The following DEUP1 variants were observed in gnomAD, a reference collection of about 807,000 sequenced individuals.
DEUP1 encodes the protein coiled-coil domain containing 67.
Under a neutral mutation model 87.4 loss-of-function variants are expected in DEUP1, and 82 were observed. The ratio of observed to expected loss-of-function variants is 0.94; its 90% CI spans 0.78 to 1.13. The LOEUF is 1.13. DEUP1 is among the 50% of genes most tolerant of loss of function. DEUP1 has a pLI of 0.00. For synonymous variants in DEUP1, 214 were observed against 222.7 expected, an observed-to-expected ratio of 0.96 and a Z score of 0.35; for missense variants, 663 against 681.5, an observed-to-expected ratio of 0.97 and a Z score of 0.30.
intron 13 of DEUP1, among the ~76,000 whole-genome samples, chr11:93,435,144 T>C (rs1948205725): frequency 6.6e-6 from 1 of 152,142 alleles, no homozygotes; most frequent in Non-Finnish European, 1.5e-5. Context: ...ACACGCAGAA[T>C]TCATATCCAT....
In DEUP1 at chr11:93,355,516, A is replaced by G. The variant is rs1308859283; in HGVS notation, c.175A>G (p.Thr59Ala). 8 of 1,613,780 alleles carry G rather than the reference A, an allele frequency of 5.0e-6. No homozygotes were observed. The highest frequency in any genetic ancestry group is 6.8e-6 in the Non-Finnish European group (8 of 1,179,788). ...LRDQELANAQ[T>A]CLDQKGQEVG... is the part of the protein sequence containing the mutation. ...GGATCAAGAATTGGCAAATGCACAA[A>G]CTTGTTTGGATCAGAAAGGTCAAGA... is the stretch of plus-strand genomic sequence containing the variant. Residue 59 changes from threonine (T) to alanine (A), a missense_variant, in exon 3 of 14, where the codon ACT (threonine) becomes GCT (alanine). Transcript: ENST00000298050.
At chr11:93,370,237 G>A (rs1461850231) in intron 6 of DEUP1, 51 bp downstream of exon 6, 14 of 960,638 alleles carry the variant, frequency 1.5e-5, no homozygotes, top group Non-Finnish European at 2.1e-5. Context: ...TTAAATATTG[G>A]TATCTTTACC....
chr11:93,370,305 T>C (rs1415205897), intron 6 of DEUP1, 119 bp downstream of exon 6: 2 of 604,006 alleles, frequency 3.3e-6, no homozygotes, highest in East Asian at 5.8e-5. Context: ...CGAGAGTAGG[T>C]CCAAAGGTGG....
intron 7 of DEUP1, among the ~76,000 whole-genome samples, chr11:93,381,536 G>A (rs1483391796): frequency 6.6e-6 from 1 of 152,046 alleles, no homozygotes. Context: ...GTGTCAGTAT[G>A]CTTATTAATT....
intron 9 of DEUP1, among the ~76,000 whole-genome samples, chr11:93,391,017 G>A (rs1407412799): frequency 6.6e-6 from 1 of 151,600 alleles, no homozygotes; most frequent in Non-Finnish European, 1.5e-5. Context: ...GGGAGGCGGA[G>A]GTTGCAGTGA....
intron 5 of DEUP1, among the ~76,000 whole-genome samples, chr11:93,365,116 G>A (rs1344896119): frequency 6.6e-6 from 1 of 151,792 alleles, no homozygotes; most frequent in African/African-American, 2.4e-5. Context: ...TTTTTCTCAA[G>A]CCCTAAACCC....
chr11:93,364,809 A>G (rs182692780), intron 5 of DEUP1, among the ~76,000 whole-genome samples: 11 of 152,194 alleles, frequency 7.2e-5, no homozygotes, highest in Non-Finnish European at 1.3e-4. Context: ...CTATGTCCTC[A>G]TAACTATATA....
At chr11:93,399,201 T>A (rs1947038328) in intron 11 of DEUP1, among the ~76,000 whole-genome samples, 1 of 151,806 alleles carries the variant, frequency 6.6e-6, no homozygotes, top group Non-Finnish European at 1.5e-5. Flanking sequence ...TTCTTCTAAA[T>A]ATATATAGCT....
At chr11:93,414,879 A>C (rs940083257) in intron 12 of DEUP1, 121 bp from the exon 13 acceptor site, 13 of 468,200 alleles carry the variant, frequency 2.8e-5, no homozygotes, top group African/African-American at 2.4e-4. Flanking sequence ...CCCAGGTAAC[A>C]AGCCCAAACA....
intron 11 of DEUP1, among the ~76,000 whole-genome samples, chr11:93,400,971 A>G (rs1947099707): frequency 6.6e-6 from 1 of 152,090 alleles, no homozygotes; most frequent in Admixed American, 6.6e-5. Context: ...GAAAGACACA[A>G]AAGGGCATCC....
chr11:93,387,120 A>G (rs1233765999), intron 8 of DEUP1, among the ~76,000 whole-genome samples: 2 of 152,168 alleles, frequency 1.3e-5, no homozygotes, highest in African/African-American at 2.4e-5. Flanking sequence ...TTATCCTAGA[A>G]TTCAGTTCTA....
chr11:93,413,241 ATT>A (rs11331603), intron 12 of DEUP1, among the ~76,000 whole-genome samples: 1,326 of 117,958 alleles, frequency 0.011, 13 homozygotes, highest in African/African-American at 0.029. Flanking sequence ...GTCTTTGATG[ATT>A]TTTTTTTTTT....
intron 12 of DEUP1, among the ~76,000 whole-genome samples, chr11:93,408,910 G>A (rs1280968600): frequency 1.3e-5 from 2 of 152,030 alleles, no homozygotes; most frequent in African/African-American, 2.4e-5. Context: ...AGGCTGGAGT[G>A]CAGTGGTGTG....
intron 10 of DEUP1, among the ~76,000 whole-genome samples, chr11:93,394,884 C>T (rs1475896982): frequency 6.6e-6 from 1 of 152,124 alleles, no homozygotes; most frequent in Non-Finnish European, 1.5e-5. Context: ...CATTAAATCT[C>T]ATCTTTCCAT....
At chr11:93,419,230 G>T (rs555542357) in intron 13 of DEUP1, among the ~76,000 whole-genome samples, 2 of 150,086 alleles carry the variant, frequency 1.3e-5, no homozygotes, top group East Asian at 3.9e-4. Context: ...CAGCAAGACA[G>T]GCAGATCCCC....
At chr11:93,366,995 C>T (rs1047129043) in intron 5 of DEUP1, among the ~76,000 whole-genome samples, 3 of 151,992 alleles carry the variant, frequency 2.0e-5, no homozygotes, top group African/African-American at 7.2e-5. Context: ...ATAAATTTGC[C>T]ATTATTGCTA....
At chr11:93,385,667 G>T in intron 8 of DEUP1, 124 bp downstream of exon 8, 13 of 600,062 alleles carry the variant, frequency 2.2e-5, no homozygotes, top group South Asian at 7.2e-5. Context: ...TTAATTAGTG[G>T]GTAATATTAA....
chr11:93,339,453 C>T (rs16918771), intron 2 of DEUP1, among the ~76,000 whole-genome samples: 3,605 of 152,264 alleles, frequency 0.024, 156 homozygotes, highest in African/African-American at 0.083. Flanking sequence ...TCAAGTTATA[C>T]ACTACTTAAA....
intron 13 of DEUP1, among the ~76,000 whole-genome samples, chr11:93,436,461 T>A (rs1948252074): frequency 6.6e-6 from 1 of 152,222 alleles, no homozygotes; most frequent in Non-Finnish European, 1.5e-5. Flanking sequence ...AAGAATGCAT[T>A]TGCCAATATT....
Sources: gnomAD v4.1 joint callset for allele counts (sites outside exome capture counted in the v4.1 genomes callset) on GRCh38, gnomAD v4.1.1 for gene constraint, MANE v1.5 for transcripts, NCBI Gene and HGNC (gene_info 2026-07-23, HGNC 2026-07-21) for gene names.